Variants in CSMD2 observed in about 807,000 individuals in gnomAD.
CSMD2 encodes the protein CUB and sushi domain-containing protein 2.
A neutral mutation model predicts 398.5 loss-of-function variants in CSMD2; 130 were observed. The ratio of observed to expected loss-of-function variants is 0.33; its 90% CI spans 0.28 to 0.38. The LOEUF (loss-of-function observed/expected upper bound fraction) is 0.38. Ranked by LOEUF, CSMD2 falls within the 10% of genes least tolerant of loss-of-function variation. CSMD2 has a pLI of 1.00. For missense variants in CSMD2, 3,829 were observed against 4,764.9 expected (o/e 0.80, Z 5.78); for synonymous variants, 1,828 against 1,908.5 (o/e 0.96, Z 1.10).
At chr1:33,520,109 C>T (rs898806426) in intron 68 of CSMD2, among the ~76,000 whole-genome samples, 159 bp from the exon 69 acceptor site, 1 of 152,202 alleles carries the variant, frequency 6.6e-6, no homozygotes, top group Non-Finnish European at 1.5e-5. Context: ...GGGCTGCCCG[C>T]CTGCCTCCAC....
chr1:33,525,100 G>T, intron 65 of CSMD2, 57 bp from the exon 66 acceptor site: 1 of 1,584,204 alleles, frequency 6.3e-7, no homozygotes, highest in Non-Finnish European at 8.6e-7. Context: ...CCAGAATTGG[G>T]GTAGCCTGAT....
intron 25 of CSMD2, among the ~76,000 whole-genome samples, chr1:33,663,992 A>C (rs1644228347): frequency 6.6e-6 from 1 of 151,842 alleles, no homozygotes; most frequent in Admixed American, 6.6e-5. Context: ...TATGAACTAC[A>C]CTCCAGACTT....
chr1:33,625,282 G>C (rs775203126), intron 33 of CSMD2, 28 bp from the exon 34 acceptor site: 69 of 1,590,546 alleles, frequency 4.3e-5, no homozygotes, highest in Non-Finnish European at 5.9e-5. Context: ...ACTGAGGGGA[G>C]GCCTCACCCC....
intron 4 of CSMD2, among the ~76,000 whole-genome samples, chr1:33,923,926 C>T (rs1033325828): frequency 6.6e-6 from 1 of 152,108 alleles, no homozygotes; most frequent in Non-Finnish European, 1.5e-5. Flanking sequence ...AAATTGGTTC[C>T]TGGTGCCAAA....
chr1:33,746,795 A>G (rs1045888873), intron 13 of CSMD2, among the ~76,000 whole-genome samples: 1 of 152,168 alleles, frequency 6.6e-6, no homozygotes, highest in Non-Finnish European at 1.5e-5. Context: ...AATGGTTGAA[A>G]CCATTCTGAA....
intron 23 of CSMD2, among the ~76,000 whole-genome samples, chr1:33,700,288 T>A (rs559618088): frequency 6.6e-6 from 1 of 152,358 alleles, no homozygotes; most frequent in Non-Finnish European, 1.5e-5. Context: ...ATTATAGGCA[T>A]GAACCACTGT....
intron 13 of CSMD2, among the ~76,000 whole-genome samples, chr1:33,755,201 C>A (rs546851176): frequency 6.4e-4 from 97 of 152,248 alleles, no homozygotes; most frequent in Middle Eastern, 3.4e-3. Flanking sequence ...GCTGATTCAG[C>A]TATTGTTGAG....
rs763432732 is a variant in CSMD2, at chr1:33,810,725, G to C, written c.1446+18C>G. On this transcript the variant is annotated intron_variant, in intron 10 of 70. Coordinates refer to ENST00000373381, the MANE Select transcript of CSMD2 (RefSeq NM_001281956.2). Reference sequence around the variant, plus strand: ...AGCCCTGCCCACAGAACACCACCCCGCTCCCCAAGAGGCTTACCTTGGAGG... The same window carrying C: ...AGCCCTGCCCACAGAACACCACCCCCCTCCCCAAGAGGCTTACCTTGGAGG... The C allele has an allele frequency of 6.8e-6, 11 of 1,610,970 alleles. No homozygotes were observed. The highest frequency in any genetic ancestry group is 8.5e-6 in the Non-Finnish European group (10 of 1,178,612).
At chr1:33,544,784 A>G (rs2148608675) in intron 57 of CSMD2, among the ~76,000 whole-genome samples, 1 of 151,004 alleles carries the variant, frequency 6.6e-6, no homozygotes, top group African/African-American at 2.4e-5. Flanking sequence ...AATGTATTGT[A>G]CTTGAGTGAT....
intron 5 of CSMD2, among the ~76,000 whole-genome samples, chr1:33,858,153 G>A (rs958377039): frequency 6.6e-6 from 1 of 152,178 alleles, no homozygotes; most frequent in Non-Finnish European, 1.5e-5. Flanking sequence ...CAGGCTCCGT[G>A]CTTATCTTCA....
At position 34,033,898 on chromosome 1, in the gene CSMD2, T is replaced by A. The variant is rs115331290; in HGVS notation, c.405-1192A>T. Reference sequence around the variant, plus strand: ...GATGAAGCCCTTGCCCTTCCCACCATCCTAACCTTGTGGGATTCATGTTAA... The same window carrying A: ...GATGAAGCCCTTGCCCTTCCCACCAACCTAACCTTGTGGGATTCATGTTAA... On this transcript the variant is annotated intron_variant, in intron 2 of 70. Transcript: ENST00000373381. Among the ~76,000 whole-genome samples, 394 of 152,082 alleles carry A rather than the reference T, an allele frequency of 2.6e-3. 2 individuals carry two copies. Among genetic ancestry groups the A allele is most frequent in the Non-Finnish European group, 4.1e-3 (276 of 67,982 alleles).
At chr1:34,125,395 G>A (rs1662627923) in intron 1 of CSMD2, among the ~76,000 whole-genome samples, 1 of 152,058 alleles carries the variant, frequency 6.6e-6, no homozygotes, top group Non-Finnish European at 1.5e-5. Flanking sequence ...CCTGCCATCA[G>A]GCATATGGGG....
Position 33,633,562 on chromosome 1 carries a change from T to C in CSMD2, c.5087-27A>G. ...TGTGGAGGAGACACAGTGTGGGGAC[T>C]GGGCAGGCACGCTGGGGGCAGGAGA... On this transcript the variant is annotated intron_variant, in intron 31 of 70. Transcript: ENST00000373381. This position sits in a 1 kb window ranked among gnomAD's most constrained non-coding sequence, Gnocchi z 5.0. 6.6e-7 allele frequency: 1 copy of C among 1,514,576 alleles called. No homozygotes were observed. The highest frequency in any genetic ancestry group is 1.7e-4 in the Middle Eastern group (1 of 5,812). 93.8% of individuals were successfully genotyped at this position (1,514,576 alleles called of 1,614,324 possible). A position where few individuals can be genotyped will look rare whatever the true frequency, so the allele number is the denominator to read the frequency against.
intron 2 of CSMD2, among the ~76,000 whole-genome samples, chr1:34,076,217 C>T (rs1349411242): frequency 6.6e-6 from 1 of 152,182 alleles, no homozygotes; most frequent in Middle Eastern, 3.2e-3. Flanking sequence ...GCTGCCAGTA[C>T]ATAGCATCAG....
intron 5 of CSMD2, among the ~76,000 whole-genome samples, chr1:33,855,926 A>C (rs1639051866): frequency 6.6e-6 from 1 of 152,190 alleles, no homozygotes; most frequent in Admixed American, 6.5e-5. Context: ...ATAGGTTTAA[A>C]AAGGTTAAGG....
chr1:33,699,768 G>A (rs1239756097), intron 23 of CSMD2, among the ~76,000 whole-genome samples: 2 of 152,200 alleles, frequency 1.3e-5, no homozygotes, highest in East Asian at 3.9e-4. Flanking sequence ...GAGTTGTACA[G>A]CTATTGCCAT....
At position 34,043,608 on chromosome 1, in the gene CSMD2, A is replaced by G. The variant is rs533967038; in HGVS notation, c.405-10902T>C. Among the ~76,000 whole-genome samples the G allele has an allele frequency of 2.0e-5, 3 of 152,352 alleles. No individual in the cohort carries two copies. The South Asian group carries it at 6.2e-4, about 32-fold the overall frequency. On this transcript the variant is annotated intron_variant, in intron 2 of 70. Coordinates refer to ENST00000373381, the MANE Select transcript of CSMD2 (RefSeq NM_001281956.2). ...TATTAGATGCAATATAGAGTCAATA[A>G]ATGACGGTTTCACTATGAGAAAGCA...
At chr1:33,865,438 T>C (rs942258939) in intron 5 of CSMD2, among the ~76,000 whole-genome samples, 1 of 147,990 alleles carries the variant, frequency 6.8e-6, no homozygotes, top group Admixed American at 6.7e-5. Flanking sequence ...GGGAACCAGA[T>C]CAATCGTTTT....
In CSMD2 at chr1:33,704,058, T is replaced by C. The variant is rs116407591; in HGVS notation, c.3577-3385A>G. ...TATTTTAGTTACATCAATATCAAAA[T>C]AAAATTTTATCTTCTCTCAGTTAAG... On this transcript the variant is annotated intron_variant, in intron 22 of 70. Coordinates refer to ENST00000373381, the MANE Select transcript of CSMD2 (RefSeq NM_001281956.2). Among the ~76,000 whole-genome samples, 1,085 of 152,284 alleles carry C rather than the reference T, an allele frequency of 7.1e-3. 5 individuals carry two copies. The highest frequency in any genetic ancestry group is 0.012 in the Non-Finnish European group (815 of 68,008).
Sources: allele counts gnomAD v4.1 joint callset (sites outside exome capture counted in the v4.1 genomes callset), GRCh38; gene constraint gnomAD v4.1.1; non-coding constraint Gnocchi (gnomAD v3.1); transcripts MANE v1.5; gene names NCBI Gene and HGNC (gene_info 2026-07-23, HGNC 2026-07-21).